Variants in DNAH14 observed in about 807,000 individuals in gnomAD.
DNAH14 encodes the protein dynein axonemal heavy chain 14, also known as axonemal beta dynein heavy chain 14.
In DNAH14, 478 loss-of-function variants were observed where a neutral mutation model predicts 520.9. That is an observed-to-expected ratio of 0.92 (90% CI 0.85 to 0.99). The LOEUF is 0.99. DNAH14 is among the 50% of genes least tolerant of loss of function. DNAH14 has a pLI of 0.00. For synonymous variants in DNAH14, 1,581 were observed against 1,757.2 expected (o/e 0.90, Z 2.51); for missense variants, 4,831 against 5,234.5 (o/e 0.92, Z 2.38).
intron 64 of DNAH14, among the ~76,000 whole-genome samples, chr1:225,326,999 C>A (rs1236931979): frequency 6.6e-6 from 1 of 152,096 alleles, no homozygotes; most frequent in Non-Finnish European, 1.5e-5. Context: ...AATACTCCAC[C>A]CCGCAACAAC....
chr1:225,340,649 A>G lies in DNAH14; in HGVS notation c.10626A>G (p.Ile3542Met). The G allele has an allele frequency of 2.6e-6, 4 of 1,551,412 alleles. No homozygotes were observed. In the South Asian group the frequency reaches 3.6e-5, roughly 14 times the overall value. Residue 3542 changes from isoleucine to methionine, a missense_variant, in exon 69 of 86, where the codon ATA becomes ATG. Physicochemically the swap from Ile to Met is conservative, Grantham distance 10. Coordinates refer to ENST00000682510, the MANE Select transcript of DNAH14 (RefSeq NM_001367479.1). ...TGGAGAGTATTTCCCTTGATGCCAT[A>G]ACTCTTGAAGAACTAGAGGAAAAAA... ...KLLESISLDA[I>M]TLEELEEKTL...
chr1:225,132,889 T>C (rs1409270411), intron 27 of DNAH14, among the ~76,000 whole-genome samples: 1 of 152,182 alleles, frequency 6.6e-6, no homozygotes, highest in Non-Finnish European at 1.5e-5. Flanking sequence ...CCAGCATCTA[T>C]TTTTTGACTT....
At chr1:225,026,176 T>C (rs2148058758) in intron 11 of DNAH14, among the ~76,000 whole-genome samples, 1 of 152,082 alleles carries the variant, frequency 6.6e-6, no homozygotes, top group South Asian at 2.1e-4. Context: ...TCTTTATTTA[T>C]TAGATTCTGT....
intron 17 of DNAH14, among the ~76,000 whole-genome samples, chr1:225,067,882 T>G (rs1174490662): frequency 6.6e-6 from 1 of 152,180 alleles, no homozygotes; most frequent in Non-Finnish European, 1.5e-5. Flanking sequence ...TTGCAAAAAT[T>G]TTCTCCCATT....
chr1:225,252,311 A>G lies in DNAH14; in HGVS notation c.6759A>G (p.Leu2253=). The part of the protein sequence containing the change: ...FGNSSQVGIN[L]PTGECSIFGY... ...TATTTTCGGTTGTAGGCATCAACCT[A>G]CCAACTGGTGAATGTTCCATCTTTG... The change falls in exon 44 of 86, where the codon CTA becomes CTG. Residue 2253 remains leucine (L), a synonymous_variant. Coordinates refer to ENST00000682510, the MANE Select transcript of DNAH14 (RefSeq NM_001367479.1). 1.3e-6 allele frequency: 2 copies of G among 1,546,338 alleles called. No individual in the cohort carries two copies. Among genetic ancestry groups the G allele is most frequent in the Non-Finnish European group, 8.8e-7 (1 of 1,142,704 alleles).
chr1:225,112,458 T>C (rs1478853421), intron 23 of DNAH14, among the ~76,000 whole-genome samples: 1 of 152,202 alleles, frequency 6.6e-6, no homozygotes, highest in Non-Finnish European at 1.5e-5. Flanking sequence ...TTCTTTGGGT[T>C]AAATCTGTTT....
At chr1:225,206,721 A>G (rs1215690819) in intron 40 of DNAH14, among the ~76,000 whole-genome samples, 2 of 152,174 alleles carry the variant, frequency 1.3e-5, no homozygotes, top group Non-Finnish European at 2.9e-5. Context: ...ACATACACAT[A>G]GCCTCAATAC....
rs563663961 is a variant in DNAH14, at chr1:225,029,953, T to C, written c.1358+6088T>C. On this transcript the variant is annotated intron_variant, in intron 11 of 85. Coordinates refer to ENST00000682510, the MANE Select transcript of DNAH14 (RefSeq NM_001367479.1). Reference sequence around the variant, plus strand: ...CTAAATCATCATTGCAACCCATGGATACCAAGTGGAGAGTGTTTCAAAAAG... The same window carrying C: ...CTAAATCATCATTGCAACCCATGGACACCAAGTGGAGAGTGTTTCAAAAAG... Among the ~76,000 whole-genome samples the C allele has an allele frequency of 4.6e-5, 7 of 152,084 alleles. No homozygotes were observed. The South Asian group carries it at 1.4e-3, about 32-fold the overall frequency.
At chr1:225,396,550 G>A (rs1256703144) in intron 84 of DNAH14, 1 of 152,102 alleles carries the variant, frequency 6.6e-6, no homozygotes, top group Non-Finnish European at 1.5e-5. Flanking sequence ...GACATGAAAA[G>A]GCTACCGAGA....
Position 225,204,274 on chromosome 1 carries a change from G to GT in DNAH14, c.5977+2dup. 1 of 1,435,638 alleles carries GT rather than the reference G, an allele frequency of 7.0e-7. No homozygotes were observed. Among genetic ancestry groups the GT allele is most frequent in the Non-Finnish European group, 9.2e-7 (1 of 1,081,264 alleles). 88.9% of individuals were successfully genotyped at this position (1,435,638 alleles called of 1,614,324 possible). A position where few individuals can be genotyped will look rare whatever the true frequency, so the allele number is the denominator to read the frequency against. On this transcript the variant is annotated splice_donor_variant, in intron 39 of 85. Transcript: ENST00000682510. LOFTEE classifies it high-confidence loss of function. ...GTTGTTAAAATTCCAGAAAATCACA[G>GT]TAAGTGTTACTAAATTCAAGAAAGA...
intron 54 of DNAH14, among the ~76,000 whole-genome samples, chr1:225,287,554 T>G (rs2093775478): frequency 6.6e-6 from 1 of 152,286 alleles, no homozygotes; most frequent in South Asian, 2.1e-4. Context: ...AATAGGTGAT[T>G]GGATATAGAA....
chr1:225,201,578 C>G (rs770998863), intron 38 of DNAH14, among the ~76,000 whole-genome samples: 1 of 152,132 alleles, frequency 6.6e-6, no homozygotes, highest in Admixed American at 6.5e-5. Context: ...AGTACTCTCC[C>G]CCTTTTCCTA....
In DNAH14 at chr1:225,100,794, G is replaced by C; in HGVS notation, c.3777G>C (p.Gln1259His). The change falls in exon 23 of 86, where the codon CAG (glutamine) becomes CAC (histidine). Residue 1259 changes from glutamine to histidine, a missense_variant. Coordinates refer to ENST00000682510, the MANE Select transcript of DNAH14 (RefSeq NM_001367479.1). ...KKIMSKIQNK[Q>H]NALQITTSAG... ...TAATGTCAAAAATACAAAACAAACAGAATGCTTTGCAGATAACCACTTCTG... is the reference window on the plus strand; with the variant it reads ...TAATGTCAAAAATACAAAACAAACACAATGCTTTGCAGATAACCACTTCTG... The C allele has an allele frequency of 6.5e-7, 1 of 1,538,646 alleles. No individual in the cohort carries two copies. Among genetic ancestry groups the C allele is most frequent in the Non-Finnish European group, 8.8e-7 (1 of 1,142,836 alleles).
At chr1:225,040,595 C>T (rs2067390930) in intron 12 of DNAH14, among the ~76,000 whole-genome samples, 1 of 152,112 alleles carries the variant, frequency 6.6e-6, no homozygotes, top group Admixed American at 6.5e-5. Flanking sequence ...AGTTCACTTA[C>T]CATTCCACTG....
At chr1:225,174,902 T>C (rs1195448434) in intron 36 of DNAH14, among the ~76,000 whole-genome samples, 1 of 152,216 alleles carries the variant, frequency 6.6e-6, no homozygotes, top group Non-Finnish European at 1.5e-5. Context: ...CTGATTTTTG[T>C]AAATGCTTTT....
At chr1:225,040,737 G>T (rs1230388922) in intron 12 of DNAH14, among the ~76,000 whole-genome samples, 2 of 152,164 alleles carry the variant, frequency 1.3e-5, no homozygotes, top group African/African-American at 4.8e-5. Flanking sequence ...CTGCTAAGGA[G>T]TGAAATTTCT....
intron 17 of DNAH14, among the ~76,000 whole-genome samples, chr1:225,061,451 C>T (rs976969194): frequency 4.6e-5 from 7 of 152,218 alleles, no homozygotes; most frequent in Non-Finnish European, 1.0e-4. Flanking sequence ...TCCCTGACCC[C>T]TTGCGCTTCC....
intron 73 of DNAH14, 104 bp downstream of exon 73, chr1:225,353,992 T>A (rs2095402150): frequency 1.4e-6 from 1 of 728,126 alleles, no homozygotes; most frequent in Non-Finnish European, 2.3e-6. Flanking sequence ...AGTGTATTTT[T>A]AAAGTACATT....
At chr1:225,081,038 G>C (rs1405639599) in intron 19 of DNAH14, among the ~76,000 whole-genome samples, 1 of 152,152 alleles carries the variant, frequency 6.6e-6, no homozygotes, top group South Asian at 2.1e-4. Flanking sequence ...TTAGGGCACT[G>C]GTCAGAGATG....
Sources: allele counts gnomAD v4.1 joint callset (sites outside exome capture counted in the v4.1 genomes callset), GRCh38; gene constraint gnomAD v4.1.1; transcripts MANE v1.5; gene names NCBI Gene and HGNC (gene_info 2026-07-23, HGNC 2026-07-21).